The following GOLPH3 variants were observed in gnomAD, a reference collection of about 807,000 sequenced individuals.
GOLPH3 encodes golgi phosphoprotein 3.
Under a neutral mutation model 28.5 loss-of-function variants are expected in GOLPH3, and 14 were observed. The ratio of observed to expected loss-of-function variants is 0.49; its 90% CI spans 0.32 to 0.77. GOLPH3 has a LOEUF of 0.77. GOLPH3 is among the 30% of genes least tolerant of loss of function. GOLPH3 has a pLI of 0.03. For missense variants in GOLPH3, 350 were observed against 393.7 expected, an observed-to-expected ratio of 0.89 and a Z score of 0.94; for synonymous variants, 158 against 159.2, an observed-to-expected ratio of 0.99 and a Z score of 0.06.
chr5:32,149,751 C>CT (rs1436710141), intron 1 of GOLPH3, among the ~76,000 whole-genome samples: 2 of 152,168 alleles, frequency 1.3e-5, no homozygotes, highest in Non-Finnish European at 2.9e-5. Context: ...AATCTCAGCA[C>CT]TTTAAGAGGC....
chr5:32,160,293 G>A (rs1022002930), intron 1 of GOLPH3, among the ~76,000 whole-genome samples: 1 of 152,054 alleles, frequency 6.6e-6, no homozygotes, highest in Admixed American at 6.6e-5. Context: ...GCCCAGGCTG[G>A]TCTCGAACTC....
chr5:32,165,098 C>A (rs1180653549), intron 1 of GOLPH3, among the ~76,000 whole-genome samples: 1 of 151,768 alleles, frequency 6.6e-6, no homozygotes, highest in Non-Finnish European at 1.5e-5. Context: ...TGGAGTTTCA[C>A]CATGTTGGCC....
In GOLPH3 at chr5:32,124,787, C is replaced by G. The variant is rs1745637883; in HGVS notation, c.*1425G>C. ...AGATAGTATACATATTAGGGAATCC[C>G]TTAAAATTCAACTCTAGAGTTATAC... is the stretch of plus-strand genomic sequence containing the variant. On this transcript the variant is annotated 3_prime_UTR_variant, in exon 4 of 4. Transcript: ENST00000265070. 6.6e-6 allele frequency: 1 copy of G among 152,374 alleles called. No homozygotes were observed. The highest frequency in any genetic ancestry group is 6.6e-5 in the Admixed American group (1 of 15,266). The allele number at this position is 152,374 out of a possible 1,614,324, so 9.4% of individuals were successfully genotyped here. A position where few individuals can be genotyped will look rare whatever the true frequency, so the allele number is the denominator to read the frequency against.
intron 2 of GOLPH3, among the ~76,000 whole-genome samples, chr5:32,143,468 T>A (rs1746126520): frequency 6.6e-6 from 1 of 151,524 alleles, no homozygotes; most frequent in East Asian, 1.9e-4. Flanking sequence ...AATAATAAAA[T>A]AAAATTAAAA....
intron 1 of GOLPH3, among the ~76,000 whole-genome samples, chr5:32,163,292 G>A (rs1746633130): frequency 6.6e-6 from 1 of 152,194 alleles, no homozygotes; most frequent in Admixed American, 6.5e-5. Flanking sequence ...ACTCAGAAGA[G>A]GCAGGCAGGA....
At chr5:32,160,794 G>A (rs1322736001) in intron 1 of GOLPH3, among the ~76,000 whole-genome samples, 1 of 152,200 alleles carries the variant, frequency 6.6e-6, no homozygotes, top group African/African-American at 2.4e-5. Flanking sequence ...TGGGCCAGGC[G>A]CGGTGGCTCA....
chr5:32,153,820 C>T (rs1746361108), intron 1 of GOLPH3, among the ~76,000 whole-genome samples: 1 of 152,106 alleles, frequency 6.6e-6, no homozygotes, highest in Admixed American at 6.6e-5. Flanking sequence ...ACGAAAGAGT[C>T]CTACAAGCAG....
At chr5:32,167,492 C>T (rs918206526) in intron 1 of GOLPH3, among the ~76,000 whole-genome samples, 2 of 151,750 alleles carry the variant, frequency 1.3e-5, no homozygotes, top group East Asian at 1.9e-4. Context: ...AATTCTAAAA[C>T]GTAATTCAAA....
At chr5:32,169,104 G>A (rs1746777189) in intron 1 of GOLPH3, among the ~76,000 whole-genome samples, 1 of 151,890 alleles carries the variant, frequency 6.6e-6, no homozygotes, top group Non-Finnish European at 1.5e-5. Flanking sequence ...TGAAATCCCT[G>A]TCTTTATAAA....
chr5:32,155,254 T>C (rs532422045), intron 1 of GOLPH3, among the ~76,000 whole-genome samples: 81 of 152,304 alleles, frequency 5.3e-4, no homozygotes, highest in African/African-American at 1.8e-3. Flanking sequence ...GGCTTGATCA[T>C]AGCTCACTGC....
intron 1 of GOLPH3, among the ~76,000 whole-genome samples, chr5:32,156,438 G>C (rs898584524): frequency 6.6e-6 from 1 of 151,992 alleles, no homozygotes; most frequent in Non-Finnish European, 1.5e-5. Context: ...GGGAGGCAGC[G>C]GTTGCAGTGA....
intron 1 of GOLPH3, among the ~76,000 whole-genome samples, chr5:32,162,097 A>C (rs964062729): frequency 6.6e-6 from 1 of 151,468 alleles, no homozygotes; most frequent in African/African-American, 2.5e-5. Flanking sequence ...TCAAGTTTCC[A>C]AATTTCCCAA....
At chr5:32,162,809 T>A (rs1435811040) in intron 1 of GOLPH3, among the ~76,000 whole-genome samples, 1 of 152,208 alleles carries the variant, frequency 6.6e-6, no homozygotes, top group East Asian at 1.9e-4. Flanking sequence ...CCGGGCGCGG[T>A]GGCTCACGCC....
chr5:32,127,778 C>A (rs1745715447), intron 3 of GOLPH3, among the ~76,000 whole-genome samples: 1 of 152,128 alleles, frequency 6.6e-6, no homozygotes, highest in East Asian at 1.9e-4. Context: ...ATGAAGTAAT[C>A]ATTCCTAAAG....
At chr5:32,139,889 T>G (rs1746018108) in intron 2 of GOLPH3, among the ~76,000 whole-genome samples, 2 of 152,004 alleles carry the variant, frequency 1.3e-5, no homozygotes, top group South Asian at 4.1e-4. Flanking sequence ...TAAAACAAAC[T>G]ACGATTTTTA....
At chr5:32,139,810 A>G (rs1309897928) in intron 2 of GOLPH3, among the ~76,000 whole-genome samples, 1 of 152,234 alleles carries the variant, frequency 6.6e-6, no homozygotes, top group African/African-American at 2.4e-5. Flanking sequence ...AACAGATATA[A>G]TACAGATAAA....
At chr5:32,144,163 G>T (rs993256548) in intron 1 of GOLPH3, among the ~76,000 whole-genome samples, 1 of 152,108 alleles carries the variant, frequency 6.6e-6, no homozygotes, top group Non-Finnish European at 1.5e-5. Flanking sequence ...TGTTTATTAG[G>T]TTCTTTCAGA....
At chr5:32,157,645 G>A (rs1445894330) in intron 1 of GOLPH3, among the ~76,000 whole-genome samples, 1 of 152,128 alleles carries the variant, frequency 6.6e-6, no homozygotes, top group Non-Finnish European at 1.5e-5. Flanking sequence ...TGAAATCTCA[G>A]TATATAAATG....
At chr5:32,141,674 G>A (rs1458485333) in intron 2 of GOLPH3, among the ~76,000 whole-genome samples, 1 of 152,216 alleles carries the variant, frequency 6.6e-6, no homozygotes, top group Non-Finnish European at 1.5e-5. Context: ...CGGTACTGCT[G>A]CCATCTCGGC....
Sources: allele counts gnomAD v4.1 joint callset (sites outside exome capture counted in the v4.1 genomes callset), GRCh38; gene constraint gnomAD v4.1.1; transcripts MANE v1.5; gene names NCBI Gene and HGNC (gene_info 2026-07-23, HGNC 2026-07-21).